The following ARHGAP26 variants were observed in gnomAD, a reference collection of about 807,000 sequenced individuals.
ARHGAP26 encodes Rho GTPase activating protein 26, also known as rho GTPase-activating protein 26.
A neutral mutation model predicts 104.8 loss-of-function variants in ARHGAP26; 38 were observed. The observed-to-expected ratio is 0.36, with a 90% CI of 0.28 to 0.48. The LOEUF (loss-of-function observed/expected upper bound fraction) is 0.48, where lower values mean the gene tolerates loss of function less well. Ranked by LOEUF, ARHGAP26 falls within the 20% of genes least tolerant of loss-of-function variation. The pLI, the probability that ARHGAP26 is intolerant of heterozygous loss-of-function variation, is 0.99. For missense variants in ARHGAP26, 704 were observed against 947.9 expected (o/e 0.74, Z 3.38); for synonymous variants, 341 against 340.0 (o/e 1.00, Z -0.03).
At chr5:142,930,388 A>T (rs1435926296) in intron 10 of ARHGAP26, among the ~76,000 whole-genome samples, 1 of 152,152 alleles carries the variant, frequency 6.6e-6, no homozygotes, top group African/African-American at 2.4e-5. Context: ...GTTGGGTCTG[A>T]GAATGAGAAT....
At chr5:142,828,587 A>G (rs540950389) in intron 1 of ARHGAP26, among the ~76,000 whole-genome samples, 3 of 152,190 alleles carry the variant, frequency 2.0e-5, no homozygotes, top group African/African-American at 4.8e-5. Context: ...CCTGACAATT[A>G]GTTGTAACTA....
At chr5:143,129,753 T>A (rs1030400841) in intron 18 of ARHGAP26, among the ~76,000 whole-genome samples, 9 of 152,206 alleles carry the variant, frequency 5.9e-5, no homozygotes, top group African/African-American at 2.2e-4. Context: ...GTGCTCAAAT[T>A]CTGTTTTTAT....
chr5:142,890,154 ATATATATATAT>A (rs1758415917), intron 5 of ARHGAP26, among the ~76,000 whole-genome samples: 24 of 46,216 alleles, frequency 5.2e-4, no homozygotes, highest in Admixed American at 1.6e-3. Flanking sequence ...AAAAAAAAAT[ATATATATATAT>A]ATATATATAT....
chr5:142,952,883 G>A (rs547121772), intron 11 of ARHGAP26, among the ~76,000 whole-genome samples: 5 of 152,036 alleles, frequency 3.3e-5, no homozygotes, highest in African/African-American at 1.2e-4. Context: ...TAATTTTTTT[G>A]TATTTTTAGT....
chr5:142,946,517 G>A (rs1463261701), intron 11 of ARHGAP26: 2 of 152,172 alleles, frequency 1.3e-5, no homozygotes, highest in South Asian at 2.1e-4. Flanking sequence ...TTCATTTGAA[G>A]AATGATGGAG....
At chr5:142,891,331 T>G (rs1758631321) in intron 5 of ARHGAP26, among the ~76,000 whole-genome samples, 1 of 151,924 alleles carries the variant, frequency 6.6e-6, no homozygotes, top group South Asian at 2.1e-4. Flanking sequence ...CCCCCAGTCT[T>G]AGCCTTTCAG....
chr5:142,799,503 CT>C (rs1420807667), intron 1 of ARHGAP26, among the ~76,000 whole-genome samples: 1 of 152,220 alleles, frequency 6.6e-6, no homozygotes, highest in Non-Finnish European at 1.5e-5. Context: ...CTGTGAATTC[CT>C]CAGCAGGATT....
intron 1 of ARHGAP26, among the ~76,000 whole-genome samples, chr5:142,858,569 G>A (rs1477938281): frequency 6.6e-6 from 1 of 152,094 alleles, no homozygotes; most frequent in Non-Finnish European, 1.5e-5. Flanking sequence ...TCTTAAAAAA[G>A]GTTACATTCT....
In ARHGAP26 at chr5:143,163,513, C is replaced by T. The variant is rs149820550; in HGVS notation, c.1988+16132C>T. 8.8e-4 allele frequency among the ~76,000 whole-genome samples: 127 copies of T among 144,348 alleles called. 1 individual carries two copies. The highest frequency in any genetic ancestry group is 2.5e-3 in the African/African-American group (101 of 40,396). The allele number at this position is 144,348 out of a possible 152,430, so 94.7% of individuals were successfully genotyped here. ...TTGCCCAGGCTCGAGTGCAATGGTG[C>T]GATCTTGGCTCACTGCAACCTTTGC... is the stretch of plus-strand genomic sequence containing the variant. On this transcript the variant is annotated intron_variant, in intron 20 of 22. Transcript: ENST00000645722.
intron 22 of ARHGAP26, 46 bp from the exon 23 acceptor site, chr5:143,222,312 A>G (rs762433895): frequency 3.6e-6 from 5 of 1,390,664 alleles, no homozygotes; most frequent in Admixed American, 2.0e-5. Flanking sequence ...CGCCTGCTCT[A>G]TCTGTAATGC....
rs561955806 is a variant in ARHGAP26 at position 143,053,902 on chromosome 5, T to A, written c.1286-537T>A. Among the ~76,000 whole-genome samples the A allele has an allele frequency of 3.9e-5, 6 of 152,354 alleles. No homozygotes were observed. The East Asian group carries it at 9.6e-4, about 24-fold the overall frequency. On this transcript the variant is annotated intron_variant, in intron 14 of 22. Coordinates refer to ENST00000645722, the MANE Select transcript of ARHGAP26 (RefSeq NM_001135608.3). ...TTATATAATGCAGGCATTTTCCATG[T>A]TGCTTTACAGTCATCGTTGTCATAT...
chr5:142,833,308 G>T (rs773929711), intron 1 of ARHGAP26, among the ~76,000 whole-genome samples: 3 of 151,112 alleles, frequency 2.0e-5, no homozygotes, highest in Non-Finnish European at 4.4e-5. Context: ...TGATCTGCCT[G>T]CCTCAGCCTC....
chr5:143,166,668 G>A (rs1219648446), intron 20 of ARHGAP26, among the ~76,000 whole-genome samples: 2 of 152,130 alleles, frequency 1.3e-5, no homozygotes, highest in Non-Finnish European at 1.5e-5. Flanking sequence ...TAAATTCTCT[G>A]CCATCCAGCC....
At chr5:142,857,004 T>C (rs955173290) in intron 1 of ARHGAP26, among the ~76,000 whole-genome samples, 11 of 152,180 alleles carry the variant, frequency 7.2e-5, no homozygotes, top group Non-Finnish European at 1.6e-4. Flanking sequence ...TGGAAGGCTC[T>C]AGGGAAGAAT....
chr5:143,003,541 A>G (rs966441008), intron 11 of ARHGAP26, among the ~76,000 whole-genome samples: 1 of 152,226 alleles, frequency 6.6e-6, no homozygotes, highest in African/African-American at 2.4e-5. Context: ...GAAATGTAAA[A>G]TTAACCTTGA....
At chr5:142,902,532 A>T (rs981250912) in intron 7 of ARHGAP26, among the ~76,000 whole-genome samples, 2 of 152,258 alleles carry the variant, frequency 1.3e-5, no homozygotes, top group Non-Finnish European at 2.9e-5. Flanking sequence ...TGTGGTCAGC[A>T]TTCCCAAGGT....
chr5:142,823,989 C>A (rs1294328966), intron 1 of ARHGAP26, among the ~76,000 whole-genome samples: 5 of 152,148 alleles, frequency 3.3e-5, no homozygotes, highest in Non-Finnish European at 4.4e-5. Flanking sequence ...TGGATGAGTA[C>A]TGTAAAAGTT....
chr5:143,097,647 C>T (rs1454313767), intron 17 of ARHGAP26, among the ~76,000 whole-genome samples: 3 of 151,788 alleles, frequency 2.0e-5, no homozygotes, highest in Admixed American at 6.6e-5. Flanking sequence ...GGTGAAACCC[C>T]GTCTCTACTA....
intron 11 of ARHGAP26, among the ~76,000 whole-genome samples, chr5:143,001,853 C>T (rs974526658): frequency 6.6e-6 from 1 of 152,194 alleles, no homozygotes; most frequent in African/African-American, 2.4e-5. Flanking sequence ...TTCTCAGAAT[C>T]TCTTGTTGCA....
Sources: allele counts gnomAD v4.1 joint callset (sites outside exome capture counted in the v4.1 genomes callset), GRCh38; gene constraint gnomAD v4.1.1; transcripts MANE v1.5; gene names NCBI Gene and HGNC (gene_info 2026-07-23, HGNC 2026-07-21).